FRMD4B: variants seen among roughly 807,000 people sequenced by gnomAD.
The protein encoded by FRMD4B is FERM domain containing 4B, also known as FERM domain-containing protein 4B.
A neutral mutation model predicts 141.5 loss-of-function variants in FRMD4B; 74 were observed. The observed-to-expected ratio is 0.52, with a 90% CI of 0.43 to 0.63. FRMD4B has a LOEUF of 0.63. Ranked by LOEUF, FRMD4B falls within the 30% of genes least tolerant of loss-of-function variation. The probability of loss-of-function intolerance (pLI) is 0.00; values close to 1 mark genes in which losing one functional copy is unlikely to be tolerated. For missense variants in FRMD4B, 1,366 were observed against 1,253.4 expected (o/e 1.09, Z -1.36); for synonymous variants, 506 against 467.9 (o/e 1.08, Z -1.05).
chr3:69,218,470 T>C (rs2093162696), intron 9 of FRMD4B, 91 bp from the exon 10 acceptor site: 1 of 621,560 alleles, frequency 1.6e-6, no homozygotes, highest in African/African-American at 1.9e-5. Flanking sequence ...ACGTTTCTAC[T>C]TTCCTTATTA....
At chr3:69,258,736 G>A (rs570275418) in intron 5 of FRMD4B, among the ~76,000 whole-genome samples, 2 of 152,168 alleles carry the variant, frequency 1.3e-5, no homozygotes, top group African/African-American at 4.8e-5. Flanking sequence ...TACAAATTAT[G>A]TCCTTCAATC....
intron 5 of FRMD4B, among the ~76,000 whole-genome samples, chr3:69,283,833 T>G (rs2093655034): frequency 6.6e-6 from 1 of 152,180 alleles, no homozygotes; most frequent in African/African-American, 2.4e-5. Flanking sequence ...AGGGCTGTAG[T>G]AAAGCCTTTG....
rs770220633 is a variant in FRMD4B at position 69,181,533 on chromosome 3, C to T, written c.2217G>A (p.Glu739=). The part of the protein sequence containing the change: ...GSSYTSQSST[E]YYCVTPVTGP... The stretch of plus-strand genomic sequence containing the variant: ...CGGTAACTGGTGTCACACAGTAATA[C>T]TCTGTGCTTGATTGGCTTGTATAAG... Residue 739 remains glutamate (E), a synonymous_variant, in exon 21 of 23, where the codon GAG becomes GAA. Coordinates refer to ENST00000398540, the MANE Select transcript of FRMD4B (RefSeq NM_015123.3). 2.5e-6 allele frequency: 4 copies of T among 1,613,910 alleles called. No homozygotes were observed. Among genetic ancestry groups the T allele is most frequent in the Non-Finnish European group, 1.7e-6 (2 of 1,179,868 alleles).
At chr3:69,345,573 G>A (rs1266680642) in intron 1 of FRMD4B, among the ~76,000 whole-genome samples, 2 of 152,200 alleles carry the variant, frequency 1.3e-5, no homozygotes, top group African/African-American at 4.8e-5. Flanking sequence ...AGCCTAACAG[G>A]GTGGCACCCC....
At chr3:69,274,695 T>C (rs1006291834) in intron 5 of FRMD4B, among the ~76,000 whole-genome samples, 8 of 152,056 alleles carry the variant, frequency 5.3e-5, no homozygotes, top group African/African-American at 1.9e-4. Flanking sequence ...ATTTTTGTAT[T>C]TTTAGTAGAG....
rs59476699 is a variant in FRMD4B at position 69,477,433 on chromosome 3, A to G, written c.-128-44672T>C. Reference sequence around the variant, plus strand: ...CATGAAGGGTTGTTGAATTTTGTCAAAGGCCTTTTCTGCATCTATTGAGAT... The same window carrying G: ...CATGAAGGGTTGTTGAATTTTGTCAGAGGCCTTTTCTGCATCTATTGAGAT... On this transcript the variant is annotated intron_variant, in intron 1 of 5. Coordinates refer to the FRMD4B transcript ENST00000459638. Among the ~76,000 whole-genome samples the G allele has an allele frequency of 9.7e-4, 147 of 150,936 alleles. 4 individuals carry two copies. In the East Asian group the frequency reaches 0.024, roughly 25 times the overall value.
At chr3:69,499,176 G>A (rs550432954) in intron 1 of FRMD4B, among the ~76,000 whole-genome samples, 3 of 152,272 alleles carry the variant, frequency 2.0e-5, no homozygotes, top group African/African-American at 4.8e-5. Flanking sequence ...AAACTGGTGT[G>A]GTGAGAGTGC....
At chr3:69,302,303 C>G in intron 4 of FRMD4B, 40 bp downstream of exon 4, 1 of 1,072,084 alleles carries the variant, frequency 9.3e-7, no homozygotes, top group Non-Finnish European at 1.4e-6. Flanking sequence ...AAAATAACAG[C>G]AAAAAAAGAG....
intron 1 of FRMD4B, among the ~76,000 whole-genome samples, chr3:69,362,710 C>CA (rs1553730363): frequency 1.2e-3 from 183 of 148,204 alleles, no homozygotes; most frequent in South Asian, 3.2e-3. Context: ...ACCCCCCCCC[C>CA]AAAAAAACAA....
chr3:69,212,595 C>T (rs932220920), intron 11 of FRMD4B, among the ~76,000 whole-genome samples: 7 of 152,088 alleles, frequency 4.6e-5, no homozygotes, highest in African/African-American at 9.7e-5. Context: ...TTCTATGAAA[C>T]TGTGAACGTA....
chr3:69,308,338 C>T (rs1168908170), intron 3 of FRMD4B, among the ~76,000 whole-genome samples: 5 of 152,050 alleles, frequency 3.3e-5, no homozygotes, highest in African/African-American at 9.7e-5. Context: ...TAAGGTCACA[C>T]AGCTAGCTAT....
rs751293811 is a variant in FRMD4B, at chr3:69,461,559, G to A, written c.-128-28798C>T. Among the ~76,000 whole-genome samples the A allele has an allele frequency of 9.2e-5, 12 of 130,460 alleles. 1 individual carries two copies. Among genetic ancestry groups the A allele is most frequent in the Non-Finnish European group, 1.7e-4 (11 of 64,834 alleles). The allele number at this position is 130,460 out of a possible 152,430, so 85.6% of individuals were successfully genotyped here. A position where few individuals can be genotyped will look rare whatever the true frequency, so the allele number is the denominator to read the frequency against. On this transcript the variant is annotated intron_variant, in intron 1 of 5. Coordinates refer to the FRMD4B transcript ENST00000459638. ...GAATCACTTGAGCCTAGGAGTTTGA[G>A]GCCATAGTGAGCTGTGATTGCATCA...
At chr3:69,372,204 A>G (rs1045536717) in intron 1 of FRMD4B, among the ~76,000 whole-genome samples, 6 of 152,014 alleles carry the variant, frequency 3.9e-5, no homozygotes, top group African/African-American at 1.4e-4. Context: ...CATTAATAAA[A>G]CCTCGGAAAG....
intron 2 of FRMD4B, among the ~76,000 whole-genome samples, chr3:69,427,283 TATATA>T (rs979326387): frequency 2.9e-4 from 43 of 148,158 alleles, no homozygotes; most frequent in Admixed American, 2.8e-3. Context: ...ATTTATATGT[TATATA>T]ATATATTTAT....
intron 7 of FRMD4B, among the ~76,000 whole-genome samples, chr3:69,234,026 C>T (rs1370547460): frequency 6.6e-6 from 1 of 152,118 alleles, no homozygotes; most frequent in Non-Finnish European, 1.5e-5. Flanking sequence ...GCTAGCAGAT[C>T]ACTTGAGGTC....
chr3:69,246,116 C>T lies in FRMD4B; in HGVS notation c.581+3110G>A, dbSNP rs555743576. On this transcript the variant is annotated intron_variant, in intron 7 of 22. Coordinates refer to ENST00000398540, the MANE Select transcript of FRMD4B (RefSeq NM_015123.3). ...CCTCCCAAAGTGCTGGGATTATAGG[C>T]GTGAGCCACTGTGCTCGGCACCCGG... 7.7e-4 allele frequency among the ~76,000 whole-genome samples: 117 copies of T among 152,216 alleles called. 1 individual carries two copies. Among genetic ancestry groups the T allele is most frequent in the Non-Finnish European group, 1.2e-4 (8 of 67,992 alleles).
At position 69,169,375 on chromosome 3, in the gene FRMD4B, T is replaced by TTTTTTTTTTTTTTTTTTC. The variant is rs1553691449; in HGVS notation, c.*2485_*2486insGAAAAAAAAAAAAAAAAA. On this transcript the variant is annotated 3_prime_UTR_variant, in exon 23 of 23. Coordinates refer to ENST00000398540, the MANE Select transcript of FRMD4B (RefSeq NM_015123.3). ...TTTCTTTTTTTTTTTTTTTTTTTTT[T>TTTTTTTTTTTTTTTTTTC]CTTGAGACAAGGTCTGTTATTGCCT... Among the ~76,000 whole-genome samples, 3 of 124,610 alleles carry TTTTTTTTTTTTTTTTTTC rather than the reference T, an allele frequency of 2.4e-5. 1 individual carries two copies. The highest frequency in any genetic ancestry group is 3.4e-5 in the Non-Finnish European group (2 of 59,464). The allele number at this position is 124,610 out of a possible 152,430, so 81.7% of individuals were successfully genotyped here.
intron 1 of FRMD4B, among the ~76,000 whole-genome samples, chr3:69,514,366 C>G (rs931313811): frequency 6.6e-6 from 1 of 151,904 alleles, no homozygotes; most frequent in Non-Finnish European, 1.5e-5. Flanking sequence ...GAGTTGTACA[C>G]TGAGAACTAC....
intron 11 of FRMD4B, among the ~76,000 whole-genome samples, chr3:69,212,198 A>G (rs1418889278): frequency 6.6e-6 from 1 of 151,368 alleles, no homozygotes; most frequent in Non-Finnish European, 1.5e-5. Context: ...TGTCTCTACT[A>G]AAAATACAAA....
Sources: allele counts gnomAD v4.1 joint callset (sites outside exome capture counted in the v4.1 genomes callset), GRCh38; gene constraint gnomAD v4.1.1; transcripts MANE v1.5; gene names NCBI Gene and HGNC (gene_info 2026-07-23, HGNC 2026-07-21).